Variants in ABCA1 observed in about 807,000 individuals in gnomAD.
The protein encoded by ABCA1 is phospholipid-transporting ATPase ABCA1.
ABCA1 carries 133 observed loss-of-function variants against 262.5 expected under a neutral mutation model. That is an observed-to-expected ratio of 0.51 (90% CI 0.44 to 0.59). ABCA1 has a LOEUF of 0.59. Among genes scored for constraint, ABCA1 ranks in the 20% least tolerant of loss-of-function variants. ABCA1 has a pLI of 0.00. For missense variants in ABCA1, 2,452 were observed against 2,777.5 expected, an observed-to-expected ratio of 0.88 and a Z score of 2.63; for synonymous variants, 1,022 against 1,043.5, an observed-to-expected ratio of 0.98 and a Z score of 0.40.
At chr9:104,791,511 C>G (rs1030874187) in intron 43 of ABCA1, among the ~76,000 whole-genome samples, 3 of 140,688 alleles carry the variant, frequency 2.1e-5, no homozygotes, top group Admixed American at 6.9e-5. Context: ...TGGGCAACCT[C>G]CCCCTCCTAG....
intron 5 of ABCA1, among the ~76,000 whole-genome samples, chr9:104,868,084 C>T (rs1224669239): frequency 4.6e-5 from 7 of 152,156 alleles, no homozygotes; most frequent in African/African-American, 1.7e-4. Context: ...GCCTCAGTTT[C>T]CTTGGATATA....
intron 11 of ABCA1, among the ~76,000 whole-genome samples, chr9:104,836,288 C>T (rs529619814): frequency 1.3e-5 from 2 of 152,326 alleles, no homozygotes; most frequent in East Asian, 3.9e-4. Flanking sequence ...AAAATCCTCA[C>T]CTGCTTCTTA....
In ABCA1 at chr9:104,829,022, G is replaced by T; in HGVS notation, c.2009C>A (p.Thr670Asn). The T allele has an allele frequency of 6.2e-7, 1 of 1,614,168 alleles. No homozygotes were observed. Among genetic ancestry groups the T allele is most frequent in the Non-Finnish European group, 8.5e-7 (1 of 1,180,048 alleles). The change falls in exon 15 of 50, where the codon ACC (threonine) becomes AAC (asparagine). Residue 670 changes from threonine (T) to asparagine (N), a missense_variant. Thr to Asn is a moderately conservative substitution (Grantham distance 65). This residue lies in a region of ABCA1 where 1,032 missense variants were observed against 1,089.7 expected (regional missense o/e 0.95). Transcript: ENST00000374736. ...GTTGTCCAGGCCCATGATCCGCATG[G>T]TCTCTTTCAGCCGTGCCTCCTTCTC... The part of the protein sequence containing the change: ...VYEKEARLKE[T>N]MRIMGLDNSI...
rs1027270982 is a variant in ABCA1 at position 104,896,450 on chromosome 9, T to C, written c.66+7164A>G. Among the ~76,000 whole-genome samples, 4 of 152,202 alleles carry C rather than the reference T, an allele frequency of 2.6e-5. No individual in the cohort carries two copies. In the South Asian group the frequency reaches 6.2e-4, roughly 24 times the overall value. On this transcript the variant is annotated intron_variant, in intron 2 of 49. Coordinates refer to ENST00000374736, the MANE Select transcript of ABCA1 (RefSeq NM_005502.4). ...TATCCAAATTTCCCAAGCTAATTTA[T>C]AGATTTAACACAACTGAACTTAAAA...
In ABCA1 at chr9:104,819,735, C is replaced by T. The variant is rs756722651; in HGVS notation, c.3104-12G>A. Reference sequence around the variant, plus strand: ...TCTCTGCATTCCACCTACAAAAAAACAGAGCAAGACAAACTCCAGGACCAG... The same window carrying T: ...TCTCTGCATTCCACCTACAAAAAAATAGAGCAAGACAAACTCCAGGACCAG... On this transcript the variant is annotated splice_polypyrimidine_tract_variant and intron_variant, in intron 21 of 49. Transcript: ENST00000374736. 6.2e-7 allele frequency: 1 copy of T among 1,614,156 alleles called. No individual in the cohort carries two copies. The highest frequency in any genetic ancestry group is 2.2e-5 in the East Asian group (1 of 44,880).
chr9:104,809,388 G>A, intron 30 of ABCA1, 78 bp downstream of exon 30: 2 of 1,333,222 alleles, frequency 1.5e-6, no homozygotes, highest in Non-Finnish European at 2.2e-6. Context: ...GTGGCATGCA[G>A]TTGATAAATG....
chr9:104,785,995 C>G (rs1222485108), intron 48 of ABCA1, among the ~76,000 whole-genome samples: 2 of 152,182 alleles, frequency 1.3e-5, no homozygotes, highest in Non-Finnish European at 2.9e-5. Flanking sequence ...AGCTTGCGCT[C>G]TCACCAGTAC....
chr9:104,927,602 C>G (rs1205444613), intron 1 of ABCA1: 1 of 152,434 alleles, frequency 6.6e-6, no homozygotes, highest in Non-Finnish European at 1.5e-5. Context: ...ACCTGCAGCT[C>G]TCCCCACCCG....
chr9:104,832,572 A>C lies in ABCA1; in HGVS notation c.1509+2T>G. 2 of 1,614,102 alleles carry C rather than the reference A, an allele frequency of 1.2e-6. No individual in the cohort carries two copies. Among genetic ancestry groups the C allele is most frequent in the Non-Finnish European group, 1.7e-6 (2 of 1,180,012 alleles). ...TCTAAATGATCCCAGCAACAGATTC[A>C]CCTCCATGAAGCGAGATATGGTCCG... On this transcript the variant is annotated splice_donor_variant, in intron 12 of 49. Coordinates refer to ENST00000374736, the MANE Select transcript of ABCA1 (RefSeq NM_005502.4). LOFTEE classifies it high-confidence loss of function.
chr9:104,810,648 T>C, intron 29 of ABCA1, 152 bp downstream of exon 29: 1 of 1,205,182 alleles, frequency 8.3e-7, no homozygotes, highest in Non-Finnish European at 1.2e-6. Context: ...GCTGCTGTTC[T>C]ATGCATGCAG....
intron 11 of ABCA1, among the ~76,000 whole-genome samples, chr9:104,835,261 AG>A (rs1457747470): frequency 1.3e-5 from 2 of 149,282 alleles, no homozygotes; most frequent in African/African-American, 2.5e-5. Context: ...AAAAAAAAAA[AG>A]AGAAAGAGAG....
At position 104,887,628 on chromosome 9, in the gene ABCA1, T is replaced by C. The variant is rs1284040863; in HGVS notation, c.160+1474A>G. ...TGCTTAAATAAAATCTAAAATGTAT[T>C]TGCTCATCAATCAAAAAAATCTCTT... On this transcript the variant is annotated intron_variant, in intron 3 of 49. Transcript: ENST00000374736. Among the ~76,000 whole-genome samples, 3 of 152,070 alleles carry C rather than the reference T, an allele frequency of 2.0e-5. No individual in the cohort carries two copies. The East Asian group carries it at 5.8e-4, about 29-fold the overall frequency.
rs761275146 is a variant in ABCA1, at chr9:104,826,949, G to A, written c.2336C>T (p.Ala779Val). The change falls in exon 16 of 50, where the codon GCT (alanine) becomes GTT (valine). Residue 779 changes from alanine to valine, a missense_variant and splice_region_variant. Ala to Val is a moderately conservative substitution (Grantham distance 64, BLOSUM62 0). Coordinates refer to ENST00000374736, the MANE Select transcript of ABCA1 (RefSeq NM_005502.4). The stretch of plus-strand genomic sequence containing the variant: ...TGAAGAAAGGCCAGAGGTACTCACA[G>A]CGAAGATCTTGAGTGTGAAGCCCAC... ...DYVGFTLKIF[A>V]SLLSPVAFGF... 3 of 1,613,336 alleles carry A rather than the reference G, an allele frequency of 1.9e-6. No individual in the cohort carries two copies. Among genetic ancestry groups the A allele is most frequent in the African/African-American group, 2.7e-5 (2 of 74,912 alleles).
chr9:104,802,925 G>T (rs1007481676), intron 33 of ABCA1, among the ~76,000 whole-genome samples: 4 of 152,178 alleles, frequency 2.6e-5, no homozygotes, highest in Admixed American at 6.5e-5. Flanking sequence ...GGTTTGGGGG[G>T]AAAGTACAAG....
intron 25 of ABCA1, among the ~76,000 whole-genome samples, 166 bp from the exon 26 acceptor site, chr9:104,814,641 C>T (rs1831577058): frequency 6.6e-6 from 1 of 152,184 alleles, no homozygotes; most frequent in African/African-American, 2.4e-5. Context: ...GGAGAGAAGC[C>T]GTTTTTGCCA....
At chr9:104,824,912 T>A (rs2118985052) in intron 17 of ABCA1, among the ~76,000 whole-genome samples, 1 of 152,344 alleles carries the variant, frequency 6.6e-6, no homozygotes, top group South Asian at 2.1e-4. Context: ...AAATTGCATA[T>A]TCAATGAAAG....
intron 14 of ABCA1, 96 bp downstream of exon 14, chr9:104,830,829 G>T: frequency 7.1e-7 from 1 of 1,404,746 alleles, no homozygotes; most frequent in Non-Finnish European, 1.0e-6. Flanking sequence ...CTTATTTCCA[G>T]ATCATTCACA....
At chr9:104,867,192 G>A (rs1003945455) in intron 5 of ABCA1, among the ~76,000 whole-genome samples, 1 of 152,216 alleles carries the variant, frequency 6.6e-6, no homozygotes, top group Non-Finnish European at 1.5e-5. Flanking sequence ...AGATCAAGAG[G>A]AGAGTCAGGT....
intron 23 of ABCA1, among the ~76,000 whole-genome samples, chr9:104,818,272 C>T (rs1831954958): frequency 6.6e-6 from 1 of 152,002 alleles, no homozygotes; most frequent in Non-Finnish European, 1.5e-5. Flanking sequence ...AAATCAGTGC[C>T]TAATAAATAT....
Sources: allele counts gnomAD v4.1 joint callset (sites outside exome capture counted in the v4.1 genomes callset), GRCh38; gene constraint gnomAD v4.1.1; regional missense constraint gnomAD v4.1.1; transcripts MANE v1.5; gene names NCBI Gene and HGNC (gene_info 2026-07-23, HGNC 2026-07-21).